The following VPS13B variants were observed in gnomAD, a reference collection of about 807,000 sequenced individuals.
VPS13B encodes the protein vacuolar protein sorting 13 homolog B.
VPS13B carries 285 observed loss-of-function variants against 426.4 expected under a neutral mutation model. The ratio of observed to expected loss-of-function variants is 0.67; its 90% CI spans 0.61 to 0.74. The LOEUF (loss-of-function observed/expected upper bound fraction) is 0.74. Among genes scored for constraint, VPS13B ranks in the 30% least tolerant of loss-of-function variants. The pLI is 0.00. For synonymous variants in VPS13B, 1,676 were observed against 1,676.4 expected, an observed-to-expected ratio of 1.00 and a Z score of 0.01; for missense variants, 4,537 against 4,782.6, an observed-to-expected ratio of 0.95 and a Z score of 1.51.
intron 39 of VPS13B, 30 bp from the exon 40 acceptor site, chr8:99,766,744 A>T (rs776452677): frequency 6.3e-7 from 1 of 1,587,746 alleles, no homozygotes; most frequent in Non-Finnish European, 8.6e-7. Flanking sequence ...TTCTATTTGC[A>T]ACTTCTAAAT....
chr8:99,638,354 T>C (rs1829153743), intron 33 of VPS13B, among the ~76,000 whole-genome samples: 1 of 152,130 alleles, frequency 6.6e-6, no homozygotes. Flanking sequence ...CTCAAAGAAT[T>C]ATAATGTTAG....
chr8:99,784,190 C>A, intron 42 of VPS13B, 125 bp from the exon 43 acceptor site: 2 of 1,187,144 alleles, frequency 1.7e-6, no homozygotes, highest in Admixed American at 1.7e-5. Context: ...ACTTTGTATA[C>A]CAGAGCTAAT....
intron 35 of VPS13B, among the ~76,000 whole-genome samples, chr8:99,671,689 ACT>A (rs757929732): frequency 2.0e-4 from 30 of 151,986 alleles, no homozygotes; most frequent in Non-Finnish European, 3.2e-4. Flanking sequence ...ACGGAGTCTC[ACT>A]CTGTTACCTA....
Position 99,073,699 on chromosome 8 carries a change from C to CT in VPS13B, c.292-22593dup, listed in dbSNP as rs71273160. 2.7e-3 allele frequency among the ~76,000 whole-genome samples: 224 copies of CT among 83,542 alleles called. 1 individual carries two copies. Among genetic ancestry groups the CT allele is most frequent in the African/African-American group, 7.2e-3 (157 of 21,932 alleles). 54.8% of individuals were successfully genotyped at this position (83,542 alleles called of 152,430 possible). A position where few individuals can be genotyped will look rare whatever the true frequency, so the allele number is the denominator to read the frequency against. ...CTCCTTTCCATTTGGATTTTCTTTC[C>CT]TTTTTTTTTTTTTTTTTTTTGGTGT... is the stretch of plus-strand genomic sequence containing the variant. On this transcript the variant is annotated intron_variant, in intron 3 of 61. Transcript: ENST00000357162.
At chr8:99,280,715 C>T (rs1191066252) in intron 19 of VPS13B, among the ~76,000 whole-genome samples, 1 of 152,126 alleles carries the variant, frequency 6.6e-6, no homozygotes, top group African/African-American at 2.4e-5. Context: ...CTCTGTAAGA[C>T]AGTTCTAATT....
At chr8:99,776,739 G>A (rs954531728) in intron 40 of VPS13B, 36 bp from the exon 41 acceptor site, 2 of 1,609,236 alleles carry the variant, frequency 1.2e-6, no homozygotes, top group African/African-American at 1.3e-5. Flanking sequence ...GGGAAATTTT[G>A]GTTATTGAAC....
At position 99,391,654 on chromosome 8, in the gene VPS13B, A is replaced by G; in HGVS notation, c.3032A>G (p.Tyr1011Cys). The G allele has an allele frequency of 6.2e-7, 1 of 1,614,162 alleles. No individual in the cohort carries two copies. The highest frequency in any genetic ancestry group is 8.5e-7 in the Non-Finnish European group (1 of 1,180,026). The change falls in exon 21 of 62, where the codon TAT (tyrosine) becomes TGT (cysteine). Residue 1011 changes from tyrosine (Y) to cysteine (C), a missense_variant. Coordinates refer to ENST00000357162, the MANE Select transcript of VPS13B (RefSeq NM_152564.5). Reference protein sequence around the residue: ...GSAPLAKQQSYQASEYASSPV... With the variant: ...GSAPLAKQQSCQASEYASSPV... ...GCCCCCTTGGCAAAGCAGCAATCAT[A>G]TCAGGCCTCTGAATATGCCAGCAGC...
intron 59 of VPS13B, among the ~76,000 whole-genome samples, chr8:99,870,237 T>G (rs1236960811): frequency 6.6e-6 from 1 of 152,150 alleles, no homozygotes; most frequent in Non-Finnish European, 1.5e-5. Context: ...GACACAATCA[T>G]AGCTCACTGC....
At chr8:99,253,486 C>G (rs1040116024) in intron 17 of VPS13B, among the ~76,000 whole-genome samples, 4 of 152,102 alleles carry the variant, frequency 2.6e-5, no homozygotes, top group African/African-American at 4.8e-5. Flanking sequence ...CTCACCAACG[C>G]TTGTTATTGT....
intron 33 of VPS13B, among the ~76,000 whole-genome samples, chr8:99,596,411 T>C (rs773605900): frequency 2.0e-5 from 3 of 151,990 alleles, no homozygotes; most frequent in Non-Finnish European, 4.4e-5. Context: ...ACACTCAAAA[T>C]AGATATGAGT....
intron 31 of VPS13B, among the ~76,000 whole-genome samples, chr8:99,563,760 C>G (rs1458809700): frequency 6.6e-6 from 1 of 152,224 alleles, no homozygotes; most frequent in Middle Eastern, 3.4e-3. Flanking sequence ...TAAAGGCTAA[C>G]TTAATTAATG....
chr8:99,354,595 A>G (rs1812081491), intron 19 of VPS13B, among the ~76,000 whole-genome samples: 1 of 152,016 alleles, frequency 6.6e-6, no homozygotes, highest in East Asian at 1.9e-4. Context: ...GACAAACTAT[A>G]TTATTTTAGA....
chr8:99,283,979 A>G (rs1271848170), intron 19 of VPS13B, among the ~76,000 whole-genome samples: 2 of 152,204 alleles, frequency 1.3e-5, no homozygotes, highest in African/African-American at 2.4e-5. Context: ...AGATGCAAAC[A>G]CATACACACA....
chr8:99,182,549 A>G (rs1812997900), intron 16 of VPS13B, among the ~76,000 whole-genome samples: 1 of 152,148 alleles, frequency 6.6e-6, no homozygotes, highest in African/African-American at 2.4e-5. Flanking sequence ...CAAAATTGAA[A>G]TCTGTTTGCT....
At chr8:99,421,264 GAA>G (rs997439449) in intron 21 of VPS13B, among the ~76,000 whole-genome samples, 3 of 152,126 alleles carry the variant, frequency 2.0e-5, no homozygotes, top group African/African-American at 7.2e-5. Flanking sequence ...ATTTGGGTCT[GAA>G]AATTATTTAT....
chr8:99,705,918 C>T (rs1027100887), intron 36 of VPS13B, among the ~76,000 whole-genome samples: 4 of 151,996 alleles, frequency 2.6e-5, no homozygotes, highest in South Asian at 2.1e-4. Context: ...GATATCAGAG[C>T]GATCTCATGT....
At chr8:99,664,469 A>C (rs1830380248) in intron 35 of VPS13B, among the ~76,000 whole-genome samples, 1 of 149,966 alleles carries the variant, frequency 6.7e-6, no homozygotes, top group African/African-American at 2.5e-5. Flanking sequence ...CCTCCCCCTG[A>C]CCCCCACCCC....
chr8:99,750,392 T>G (rs1810333636), intron 39 of VPS13B, among the ~76,000 whole-genome samples: 1 of 152,152 alleles, frequency 6.6e-6, no homozygotes, highest in Non-Finnish European at 1.5e-5. Context: ...TATTACTTCC[T>G]TCCACTTTGC....
rs1046865790 is a variant in VPS13B, at chr8:99,366,296, C to T, written c.2825-17912C>T. Reference sequence around the variant, plus strand: ...CCAGTGTTTGGTATATTAAAATTTACAATTATATCCCCTTCCTGAATTTAC... The same window carrying T: ...CCAGTGTTTGGTATATTAAAATTTATAATTATATCCCCTTCCTGAATTTAC... On this transcript the variant is annotated intron_variant, in intron 19 of 61. Transcript: ENST00000357162. Among the ~76,000 whole-genome samples the T allele has an allele frequency of 9.2e-5, 14 of 152,168 alleles. No homozygotes were observed. The East Asian group carries it at 2.3e-3, about 25-fold the overall frequency.
Sources: allele counts gnomAD v4.1 joint callset (sites outside exome capture counted in the v4.1 genomes callset), GRCh38; gene constraint gnomAD v4.1.1; transcripts MANE v1.5; gene names NCBI Gene and HGNC (gene_info 2026-07-23, HGNC 2026-07-21).